The following ATP8A2 variants were observed in gnomAD, a reference collection of about 807,000 sequenced individuals.
ATP8A2 encodes phospholipid-transporting ATPase IB.
A neutral mutation model predicts 165.6 loss-of-function variants in ATP8A2; 100 were observed. The observed-to-expected ratio is 0.60, with a 90% confidence interval of 0.51 to 0.71. ATP8A2 has a LOEUF of 0.71. Among genes scored for constraint, ATP8A2 ranks in the 30% least tolerant of loss-of-function variants. The probability of loss-of-function intolerance (pLI) is 0.00; values close to 1 mark genes in which losing one functional copy is unlikely to be tolerated. For synonymous variants in ATP8A2, 543 were observed against 548.8 expected (o/e 0.99, Z 0.15); for missense variants, 1,227 against 1,479.5 (o/e 0.83, Z 2.80).
At position 25,502,537 on chromosome 13, in the gene ATP8A2, A is replaced by G. The variant is rs550737202; in HGVS notation, c.222-27462A>G. ...AGAATCTGGGGTAGGGCAGACAGGA[A>G]TGTGAAACATGCCTCTGTCACTTGC... On this transcript the variant is annotated intron_variant, in intron 2 of 36. Transcript: ENST00000381655. Among the ~76,000 whole-genome samples the G allele has an allele frequency of 3.9e-5, 6 of 152,334 alleles. No individual in the cohort carries two copies. The South Asian group carries it at 1.2e-3, about 32-fold the overall frequency.
At chr13:25,856,196 T>A (rs1352062729) in intron 30 of ATP8A2, among the ~76,000 whole-genome samples, 3 of 152,216 alleles carry the variant, frequency 2.0e-5, no homozygotes, top group Admixed American at 2.0e-4. Context: ...GTGCTTTTGG[T>A]GCCATATCTA....
intron 27 of ATP8A2, among the ~76,000 whole-genome samples, chr13:25,813,021 A>C (rs1329995250): frequency 2.0e-5 from 3 of 152,030 alleles, no homozygotes; most frequent in Non-Finnish European, 4.4e-5. Context: ...CAGTGTGAAC[A>C]CATAGACACA....
chr13:25,889,846 TTTTTTAACAC>T (rs1953300438), intron 33 of ATP8A2, among the ~76,000 whole-genome samples: 1 of 152,170 alleles, frequency 6.6e-6, no homozygotes, highest in Non-Finnish European at 1.5e-5. Flanking sequence ...CTTTTTTAAA[TTTTTTAACAC>T]TTTTTAAACT....
chr13:25,698,513 C>T (rs540350449), intron 24 of ATP8A2, among the ~76,000 whole-genome samples: 22 of 152,150 alleles, frequency 1.4e-4, no homozygotes, highest in African/African-American at 3.6e-4. Context: ...GGATTACAGG[C>T]GTGAACCACC....
At chr13:25,875,798 A>G (rs1952806894) in intron 33 of ATP8A2, among the ~76,000 whole-genome samples, 1 of 152,212 alleles carries the variant, frequency 6.6e-6, no homozygotes, top group African/African-American at 2.4e-5. Flanking sequence ...TTCATGGAAA[A>G]TGTTTGTTTT....
Position 25,530,542 on chromosome 13 carries a change from TGTG to T in ATP8A2, c.322-17_322-15del, listed in dbSNP as rs1178782407. The T allele has an allele frequency of 7.0e-7, 1 of 1,435,504 alleles. No homozygotes were observed. Among genetic ancestry groups the T allele is most frequent in the African/African-American group, 1.4e-5 (1 of 71,348 alleles). The allele number at this position is 1,435,504 out of a possible 1,614,324, so 88.9% of individuals were successfully genotyped here. On this transcript the variant is annotated splice_polypyrimidine_tract_variant and intron_variant, in intron 3 of 36. Transcript: ENST00000381655. ...ATTTTTAATGTGCCAACTTCCTACT[TGTG>T]GTCTCTTATCTTCCAGCAAATTCCA...
At chr13:25,924,782 T>A (rs1322385534) in intron 33 of ATP8A2, among the ~76,000 whole-genome samples, 1 of 152,164 alleles carries the variant, frequency 6.6e-6, no homozygotes, top group Non-Finnish European at 1.5e-5. Flanking sequence ...GGGAGGTAAT[T>A]GAATCATGGG....
intron 33 of ATP8A2, among the ~76,000 whole-genome samples, chr13:25,924,111 C>G (rs1270593223): frequency 2.0e-5 from 3 of 152,222 alleles, no homozygotes; most frequent in African/African-American, 7.2e-5. Flanking sequence ...CACAGTCCCT[C>G]CTCCTTCCAC....
chr13:25,797,713 G>A (rs982718860), intron 27 of ATP8A2, among the ~76,000 whole-genome samples: 1 of 152,070 alleles, frequency 6.6e-6, no homozygotes, highest in African/African-American at 2.4e-5. Flanking sequence ...TTCATTTAAT[G>A]GGATGACTGT....
In ATP8A2 at chr13:25,903,521, C is replaced by T. The variant is rs575145331; in HGVS notation, c.3183+41113C>T. ...TTCATTCCTCTGTTCAGAAACTTGC[C>T]GTGGCTTCTGGCCTCATTAAGAGAG... On this transcript the variant is annotated intron_variant, in intron 33 of 36. Transcript: ENST00000381655. Among the ~76,000 whole-genome samples the T allele has an allele frequency of 5.3e-5, 8 of 152,324 alleles. No individual in the cohort carries two copies. In the South Asian group the frequency reaches 1.2e-3, roughly 24 times the overall value.
rs116425048 is a variant in ATP8A2 at position 25,575,893 on chromosome 13, G to C, written c.1712+1036G>C. Among the ~76,000 whole-genome samples the C allele has an allele frequency of 7.2e-3, 1,100 of 152,282 alleles. 17 individuals are homozygous for C. Among genetic ancestry groups the C allele is most frequent in the African/African-American group, 0.026 (1,065 of 41,538 alleles). On this transcript the variant is annotated intron_variant, in intron 19 of 36. Transcript: ENST00000381655. ...GTTATTGGACAGGCAAGGAGGAGGA[G>C]AAAAGGGAGTTAGATAAAAACAGGT...
At chr13:25,911,686 A>C (rs1247040257) in intron 33 of ATP8A2, among the ~76,000 whole-genome samples, 1 of 152,176 alleles carries the variant, frequency 6.6e-6, no homozygotes, top group Non-Finnish European at 1.5e-5. Context: ...TGACTTCCAC[A>C]CAGGAAAACA....
chr13:25,443,172 G>T (rs1241445609), intron 1 of ATP8A2, among the ~76,000 whole-genome samples: 2 of 152,110 alleles, frequency 1.3e-5, no homozygotes, highest in East Asian at 3.9e-4. Flanking sequence ...CTGTGAGATG[G>T]ATTATTTTTC....
chr13:25,533,767 G>A (rs1181937106), intron 6 of ATP8A2, among the ~76,000 whole-genome samples: 2 of 152,176 alleles, frequency 1.3e-5, no homozygotes, highest in Non-Finnish European at 2.9e-5. Flanking sequence ...AGCAAGGAAA[G>A]CTTTGCTTCC....
At chr13:25,751,395 CTTT>C (rs1162218268) in intron 25 of ATP8A2, among the ~76,000 whole-genome samples, 37 of 152,234 alleles carry the variant, frequency 2.4e-4, no homozygotes, top group Admixed American at 3.9e-4. Context: ...GATTGTAAAG[CTTT>C]AAAATTGAGT....
intron 33 of ATP8A2, among the ~76,000 whole-genome samples, chr13:25,875,056 C>T (rs989460745): frequency 1.3e-5 from 2 of 151,772 alleles, no homozygotes; most frequent in Non-Finnish European, 2.9e-5. Context: ...AGTGAGTACT[C>T]GTAGAGACAG....
chr13:25,622,615 A>C (rs2040999487), intron 24 of ATP8A2, among the ~76,000 whole-genome samples: 1 of 152,202 alleles, frequency 6.6e-6, no homozygotes, highest in Admixed American at 6.5e-5. Flanking sequence ...AAGTGCTGAC[A>C]GGAGGCCACA....
At chr13:25,423,422 G>A (rs1001710589) in intron 1 of ATP8A2, among the ~76,000 whole-genome samples, 3 of 152,160 alleles carry the variant, frequency 2.0e-5, no homozygotes, top group Admixed American at 6.5e-5. Flanking sequence ...AGCTTGCTGA[G>A]TGATCCTTGG....
chr13:25,690,210 G>A (rs989155646), intron 24 of ATP8A2, among the ~76,000 whole-genome samples: 2 of 150,952 alleles, frequency 1.3e-5, no homozygotes, highest in South Asian at 2.1e-4. Context: ...GTAATTAATA[G>A]TGTTCAGACT....
Sources: gnomAD v4.1 joint callset for allele counts (sites outside exome capture counted in the v4.1 genomes callset) on GRCh38, gnomAD v4.1.1 for gene constraint, MANE v1.5 for transcripts, NCBI Gene and HGNC (gene_info 2026-07-23, HGNC 2026-07-21) for gene names.